The following SNED1 variants were observed in gnomAD, a reference collection of about 807,000 sequenced individuals.
SNED1 encodes sushi, nidogen and EGF-like domain-containing protein 1.
A neutral mutation model predicts 166.7 loss-of-function variants in SNED1; 81 were observed. The ratio of observed to expected loss-of-function variants is 0.49; its 90% CI spans 0.41 to 0.58. The LOEUF (loss-of-function observed/expected upper bound fraction) is 0.58, where lower values mean the gene tolerates loss of function less well. Ranked by LOEUF, SNED1 falls within the 20% of genes least tolerant of loss-of-function variation. The pLI, the probability that SNED1 is intolerant of heterozygous loss-of-function variation, is 0.00. For missense variants in SNED1, 1,604 were observed against 2,000.2 expected (o/e 0.80, Z 3.78); for synonymous variants, 762 against 822.0 (o/e 0.93, Z 1.25).
intron 2 of SNED1, among the ~76,000 whole-genome samples, chr2:241,031,866 C>G (rs1011567418): frequency 7.2e-5 from 11 of 152,230 alleles, no homozygotes; most frequent in South Asian, 2.1e-4. Flanking sequence ...TTCTCAGTGA[C>G]TACAAACTAG....
chr2:241,052,482 G>GGTACAT lies in SNED1; in HGVS notation c.2083+15_2083+16insTACATG, dbSNP rs1559268599. 1,071 of 1,578,978 alleles carry GGTACAT rather than the reference G, an allele frequency of 6.8e-4. 94 individuals are homozygous for GGTACAT. The South Asian group carries it at 7.9e-3, about 12-fold the overall frequency. The stretch of plus-strand genomic sequence containing the variant: ...GGTGCCAGGCAGGTGAGAGGGTCAG[G>GGTACAT]GGGATCAAGCAGGGTACATGGGATA... On this transcript the variant is annotated intron_variant, in intron 15 of 31. Coordinates refer to ENST00000310397, the MANE Select transcript of SNED1 (RefSeq NM_001080437.3).
At chr2:241,043,112 T>C (rs894925944) in intron 8 of SNED1, among the ~76,000 whole-genome samples, 3 of 152,216 alleles carry the variant, frequency 2.0e-5, no homozygotes, top group Non-Finnish European at 4.4e-5. Context: ...AGGAGTGTTA[T>C]AGAAAAAGTA....
At chr2:241,088,061 G>A (rs552569810) in intron 30 of SNED1, 47 of 457,412 alleles carry the variant, frequency 1.0e-4, no homozygotes, top group African/African-American at 4.2e-4. Flanking sequence ...GCCTGTGCAC[G>A]TCACCGGCTC....
intron 24 of SNED1, 44 bp downstream of exon 24, chr2:241,070,245 C>G: frequency 1.3e-6 from 2 of 1,550,868 alleles, no homozygotes; most frequent in Non-Finnish European, 1.7e-6. Context: ...CAGTGTTTGC[C>G]AGCCCTCCAC....
intron 8 of SNED1, among the ~76,000 whole-genome samples, chr2:241,043,300 G>C (rs999375519): frequency 6.6e-6 from 1 of 152,068 alleles, no homozygotes; most frequent in African/African-American, 2.4e-5. Context: ...AGCGAAACAA[G>C]AATGAAACAG....
In SNED1 at chr2:241,069,811, T is replaced by C; in HGVS notation, c.3308-109T>C. 7.8e-7 allele frequency: 1 copy of C among 1,277,732 alleles called. No homozygotes were observed. The highest frequency in any genetic ancestry group is 1.1e-6 in the Non-Finnish European group (1 of 921,864). 79.1% of individuals were successfully genotyped at this position (1,277,732 alleles called of 1,614,324 possible). A position where few individuals can be genotyped will look rare whatever the true frequency, so the allele number is the denominator to read the frequency against. On this transcript the variant is annotated intron_variant, in intron 23 of 31. Coordinates refer to ENST00000310397, the MANE Select transcript of SNED1 (RefSeq NM_001080437.3). The surrounding 1 kb of genome is among the most constrained non-coding windows in gnomAD (Gnocchi z 4.9). ...CTGTACCATTCTCCATAATAAAGAA[T>C]CTGGCTTCCAGCAAGGCTGCGGCAG...
intron 8 of SNED1, chr2:241,040,858 A>G (rs201785103): frequency 2.0e-4 from 94 of 471,162 alleles, no homozygotes; most frequent in Admixed American, 3.5e-4. Context: ...ACTATTTTCT[A>G]TTCTATTTTG....
Position 241,051,919 on chromosome 2 carries a change from C to A in SNED1, c.1852+59C>A, listed in dbSNP as rs1574992571. ...ACGACGGGCCAGCCCTGAGCTGGGG[C>A]CCCTGATGCACCCTCCCTGCCAGCT... is the stretch of plus-strand genomic sequence containing the variant. On this transcript the variant is annotated intron_variant, in intron 13 of 31. Transcript: ENST00000310397. This position sits in a 1 kb window ranked among gnomAD's most constrained non-coding sequence, Gnocchi z 4.7. 6.8e-7 allele frequency: 1 copy of A among 1,477,830 alleles called. No homozygotes were observed. The highest frequency in any genetic ancestry group is 9.2e-7 in the Non-Finnish European group (1 of 1,088,350). The allele number at this position is 1,477,830 out of a possible 1,614,324, so 91.5% of individuals were successfully genotyped here.
chr2:241,072,346 G>C (rs73010041), intron 26 of SNED1: 2 of 385,960 alleles, frequency 5.2e-6, no homozygotes, highest in Non-Finnish European at 1.0e-5. Flanking sequence ...CAGGTGCCTT[G>C]GGCCCTTCCC....
intron 3 of SNED1, 51 bp downstream of exon 3, chr2:241,033,926 C>T (rs1051030276): frequency 9.7e-6 from 15 of 1,538,752 alleles, no homozygotes; most frequent in Non-Finnish European, 1.2e-5. Flanking sequence ...CTCCCCACAG[C>T]CAGGACTGTC....
At chr2:241,083,498 C>A (rs2063430654) in intron 29 of SNED1, among the ~76,000 whole-genome samples, 1 of 152,162 alleles carries the variant, frequency 6.6e-6, no homozygotes, top group South Asian at 2.1e-4. Flanking sequence ...GTAGAAGCTT[C>A]ATTAGAGCTT....
intron 29 of SNED1, 56 bp downstream of exon 29, chr2:241,082,420 C>A: frequency 1.5e-6 from 2 of 1,379,300 alleles, no homozygotes; most frequent in Non-Finnish European, 1.0e-6. Context: ...CTTGACTCCT[C>A]AAAGTGCTGT....
intron 6 of SNED1, among the ~76,000 whole-genome samples, chr2:241,039,292 AGTC>A (rs1455150475): frequency 6.6e-6 from 1 of 152,152 alleles, no homozygotes; most frequent in African/African-American, 2.4e-5. Flanking sequence ...CTGGGGGAGT[AGTC>A]AGGCCCTCCT....
Position 241,065,493 on chromosome 2 carries a change from C to G in SNED1, c.2908C>G (p.Leu970Val). ...RTRSSHQLQA[L>V]AAGRAYNISV... is the part of the protein sequence containing the mutation. The stretch of plus-strand genomic sequence containing the variant: ...CCGCTCCTCGCACCAGCTCCAGGCC[C>G]TGGCGGCCGGCAGGGCCTACAACAT... The change falls in exon 21 of 32, where the codon CTG (leucine) becomes GTG (valine). Residue 970 changes from leucine (L) to valine (V), a missense_variant. Leu to Val is a conservative substitution (Grantham distance 32). Around this residue, in one of 2 missense-constraint regions of SNED1, gnomAD observed 1,237 missense variants for 1,620.8 expected, o/e 0.76. Coordinates refer to ENST00000310397, the MANE Select transcript of SNED1 (RefSeq NM_001080437.3). 2 of 1,612,918 alleles carry G rather than the reference C, an allele frequency of 1.2e-6. No individual in the cohort carries two copies. Among genetic ancestry groups the G allele is most frequent in the Non-Finnish European group, 1.7e-6 (2 of 1,179,832 alleles).
At chr2:241,028,097 A>G (rs13432974) in intron 1 of SNED1, among the ~76,000 whole-genome samples, 6,192 of 152,110 alleles carry the variant, frequency 0.041, 183 homozygotes, top group African/African-American at 0.085. Context: ...TTCTTTGGAG[A>G]AATGTCTGTT....
At chr2:241,023,192 TATAG>T (rs139712166) in intron 1 of SNED1, among the ~76,000 whole-genome samples, 66 of 152,280 alleles carry the variant, frequency 4.3e-4, no homozygotes, top group African/African-American at 1.6e-3. Context: ...ATTTACTATA[TATAG>T]ATACTAAAAT....
intron 8 of SNED1, chr2:241,040,932 T>A (rs1559253920): frequency 2.3e-6 from 1 of 442,056 alleles, no homozygotes; most frequent in Non-Finnish European, 4.6e-6. Context: ...GATTGCAGCC[T>A]ACAGTATAAA....
In SNED1 at chr2:240,999,100, C is replaced by A; in HGVS notation, c.213+50C>A. 1 of 1,133,664 alleles carries A rather than the reference C, an allele frequency of 8.8e-7. No homozygotes were observed. The highest frequency in any genetic ancestry group is 1.1e-6 in the Non-Finnish European group (1 of 900,618). 70.2% of individuals were successfully genotyped at this position (1,133,664 alleles called of 1,614,324 possible). A position where few individuals can be genotyped will look rare whatever the true frequency, so the allele number is the denominator to read the frequency against. ...GCGCCCGGGAGGGGAGGGAGCTGCG[C>A]CCCGGCCGCTGCCCGCCGGGCCCGG... On this transcript the variant is annotated intron_variant, in intron 1 of 31. Coordinates refer to ENST00000310397, the MANE Select transcript of SNED1 (RefSeq NM_001080437.3). This position sits in a 1 kb window ranked among gnomAD's most constrained non-coding sequence, Gnocchi z 5.8.
intron 27 of SNED1, 57 bp from the exon 28 acceptor site, chr2:241,081,620 T>A: frequency 7.8e-7 from 1 of 1,287,058 alleles, no homozygotes; most frequent in South Asian, 1.3e-5. Flanking sequence ...AACATGTCCA[T>A]GAGGCAGGCC....
Sources: allele counts gnomAD v4.1 joint callset (sites outside exome capture counted in the v4.1 genomes callset), GRCh38; gene constraint gnomAD v4.1.1; regional missense constraint gnomAD v4.1.1; non-coding constraint Gnocchi (gnomAD v3.1); transcripts MANE v1.5; gene names NCBI Gene and HGNC (gene_info 2026-07-23, HGNC 2026-07-21).